MAGI2: variants seen among roughly 807,000 people sequenced by gnomAD.
The protein encoded by MAGI2 is membrane-associated guanylate kinase, WW and PDZ domain-containing protein 2.
MAGI2 carries 35 observed loss-of-function variants against 133.3 expected under a neutral mutation model. The observed-to-expected ratio is 0.26, with a 90% CI of 0.20 to 0.35. The LOEUF (loss-of-function observed/expected upper bound fraction) is 0.35. Ranked by LOEUF, MAGI2 falls within the 10% of genes least tolerant of loss-of-function variation. The pLI, the probability that MAGI2 is intolerant of heterozygous loss-of-function variation, is 1.00. For synonymous variants in MAGI2, 729 were observed against 710.6 expected, an observed-to-expected ratio of 1.03 and a Z score of -0.41; for missense variants, 1,636 against 1,863.4, an observed-to-expected ratio of 0.88 and a Z score of 2.25.
chr7:78,775,309 T>C lies in MAGI2; in HGVS notation c.419-148070A>G, dbSNP rs547081782. 3.1e-5 allele frequency among the ~76,000 whole-genome samples: 3 copies of C among 97,940 alleles called. No homozygotes were observed. The East Asian group carries it at 8.9e-4, about 29-fold the overall frequency. 64.3% of individuals were successfully genotyped at this position (97,940 alleles called of 152,430 possible). A position where few individuals can be genotyped will look rare whatever the true frequency, so the allele number is the denominator to read the frequency against. On this transcript the variant is annotated intron_variant, in intron 2 of 21. Coordinates refer to ENST00000354212, the MANE Select transcript of MAGI2 (RefSeq NM_012301.4). ...GCCTGGGCGACAGAGCGAGACTCTG[T>C]CGTCTCAAATTAAAAAAAAAAAAAA... is the stretch of plus-strand genomic sequence containing the variant.
chr7:78,256,175 G>C lies in MAGI2; in HGVS notation c.1815C>G (p.Thr605=). The C allele has an allele frequency of 1.2e-6, 2 of 1,613,968 alleles. No homozygotes were observed. Among genetic ancestry groups the C allele is most frequent in the South Asian group, 1.1e-5 (1 of 91,076 alleles). ...SSGATQAELM[T]LTIVKGAQGF... ...CCTGGGCACCTTTCACAATGGTTAA[G>C]GTCATAAGTTCAGCTTGGGTGGCCC... Residue 605 remains threonine (T), a synonymous_variant, in exon 10 of 22, where the codon ACC becomes ACG. Coordinates refer to ENST00000354212, the MANE Select transcript of MAGI2 (RefSeq NM_012301.4).
At chr7:79,205,416 A>G (rs1306967483) in intron 1 of MAGI2, among the ~76,000 whole-genome samples, 1 of 152,020 alleles carries the variant, frequency 6.6e-6, no homozygotes, top group Non-Finnish European at 1.5e-5. Context: ...TGAAGGAGAC[A>G]AAGACTATTC....
chr7:78,235,782 C>G (rs534170780), intron 10 of MAGI2, among the ~76,000 whole-genome samples: 1 of 152,154 alleles, frequency 6.6e-6, no homozygotes, highest in Admixed American at 6.6e-5. Flanking sequence ...TCTGGATCCC[C>G]CAACTCATAA....
At chr7:79,437,325 A>T (rs1226495899) in intron 1 of MAGI2, among the ~76,000 whole-genome samples, 1 of 152,106 alleles carries the variant, frequency 6.6e-6, no homozygotes, top group Non-Finnish European at 1.5e-5. Flanking sequence ...AACCTGTAGC[A>T]GAATCTAAAA....
intron 2 of MAGI2, among the ~76,000 whole-genome samples, chr7:78,729,685 G>A (rs1821179716): frequency 6.6e-6 from 1 of 152,172 alleles, no homozygotes. Flanking sequence ...CTAGATAGAT[G>A]CTTCATACTG....
intron 1 of MAGI2, among the ~76,000 whole-genome samples, chr7:79,261,326 A>G (rs1834074394): frequency 6.6e-6 from 1 of 152,222 alleles, no homozygotes; most frequent in Non-Finnish European, 1.5e-5. Flanking sequence ...CAACCTTGGC[A>G]TACCCCTGTT....
At chr7:78,899,690 C>T (rs1797466008) in intron 2 of MAGI2, among the ~76,000 whole-genome samples, 1 of 152,108 alleles carries the variant, frequency 6.6e-6, no homozygotes. Flanking sequence ...CTCAATCATA[C>T]AGATCCAAAC....
intron 2 of MAGI2, among the ~76,000 whole-genome samples, chr7:78,659,757 A>G (rs954486608): frequency 6.6e-6 from 1 of 152,118 alleles, no homozygotes; most frequent in African/African-American, 2.4e-5. Context: ...ATATTGTACT[A>G]TTGTTTTGCA....
intron 2 of MAGI2, among the ~76,000 whole-genome samples, chr7:78,641,483 G>C (rs1372774249): frequency 1.3e-5 from 2 of 152,160 alleles, no homozygotes; most frequent in African/African-American, 4.8e-5. Flanking sequence ...ACAAGGTGGT[G>C]GACAGATTTA....
At chr7:78,556,653 C>T (rs948421462) in intron 3 of MAGI2, among the ~76,000 whole-genome samples, 2 of 152,092 alleles carry the variant, frequency 1.3e-5, no homozygotes, top group African/African-American at 2.4e-5. Context: ...AACAAGCAAC[C>T]GTTTTGCTCA....
At chr7:78,191,939 A>G (rs1339468834) in intron 12 of MAGI2, among the ~76,000 whole-genome samples, 1 of 152,198 alleles carries the variant, frequency 6.6e-6, no homozygotes, top group Non-Finnish European at 1.5e-5. Flanking sequence ...ATAAATTTCC[A>G]TCATTTGTAG....
intron 2 of MAGI2, among the ~76,000 whole-genome samples, chr7:78,769,518 T>A (rs910392584): frequency 5.7e-4 from 87 of 151,954 alleles, no homozygotes; most frequent in Non-Finnish European, 9.1e-4. Flanking sequence ...TCAAGCGAGA[T>A]TTAAAAAGGC....
At chr7:78,047,796 C>T (rs896138347) in intron 21 of MAGI2, among the ~76,000 whole-genome samples, 3 of 152,216 alleles carry the variant, frequency 2.0e-5, no homozygotes, top group Admixed American at 2.0e-4. Flanking sequence ...GGGAAGACAC[C>T]TTACATTCCA....
intron 9 of MAGI2, among the ~76,000 whole-genome samples, chr7:78,270,371 CATG>C (rs1794446556): frequency 6.6e-6 from 1 of 152,106 alleles, no homozygotes; most frequent in Non-Finnish European, 1.5e-5. Context: ...TGGCCATTTT[CATG>C]ATATTGATTC....
chr7:78,275,245 C>T (rs1241997534), intron 9 of MAGI2, among the ~76,000 whole-genome samples: 2 of 152,170 alleles, frequency 1.3e-5, no homozygotes. Context: ...TGATTCCCCA[C>T]CCTGCTTTGG....
chr7:78,628,681 C>T (rs1011475813), intron 2 of MAGI2, among the ~76,000 whole-genome samples: 1 of 151,120 alleles, frequency 6.6e-6, no homozygotes, highest in Non-Finnish European at 1.5e-5. Context: ...TGTTTAATGG[C>T]TTTCCCTGAA....
Position 79,195,813 on chromosome 7 carries a change from C to A in MAGI2, c.302-188607G>T, listed in dbSNP as rs1436167188. Among the ~76,000 whole-genome samples, 5 of 151,548 alleles carry A rather than the reference C, an allele frequency of 3.3e-5. No individual in the cohort carries two copies. The South Asian group carries it at 6.2e-4, about 19-fold the overall frequency. ...TTTTTTTTTGAGATTTAATATACAACAACATGGATGAACCTGGAGGACATT... is the reference window on the plus strand; with the variant it reads ...TTTTTTTTTGAGATTTAATATACAAAAACATGGATGAACCTGGAGGACATT... On this transcript the variant is annotated intron_variant, in intron 1 of 21. Transcript: ENST00000354212.
chr7:78,945,913 T>C (rs1387394873), intron 2 of MAGI2, among the ~76,000 whole-genome samples: 6 of 152,216 alleles, frequency 3.9e-5, no homozygotes, highest in African/African-American at 1.4e-4. Flanking sequence ...GTCCTGCTTC[T>C]GCATTTCCAT....
intron 1 of MAGI2, among the ~76,000 whole-genome samples, chr7:79,229,651 G>C (rs948416844): frequency 6.6e-6 from 1 of 152,130 alleles, no homozygotes; most frequent in African/African-American, 2.4e-5. Context: ...CCAAGAATCA[G>C]ATTCTGGGCT....
Sources: gnomAD v4.1 joint callset for allele counts (sites outside exome capture counted in the v4.1 genomes callset) on GRCh38, gnomAD v4.1.1 for gene constraint, MANE v1.5 for transcripts, NCBI Gene and HGNC (gene_info 2026-07-23, HGNC 2026-07-21) for gene names.